The following PPP1R1C variants were observed in gnomAD, a reference collection of about 807,000 sequenced individuals.
PPP1R1C encodes protein phosphatase 1 regulatory inhibitor subunit 1C, also known as protein phosphatase 1 regulatory subunit 1C.
PPP1R1C carries 15 observed loss-of-function variants against 17.4 expected under a neutral mutation model. The observed-to-expected ratio is 0.86, with a 90% CI of 0.58 to 1.33. The LOEUF (loss-of-function observed/expected upper bound fraction) is 1.33. Among genes scored for constraint, PPP1R1C ranks in the 40% most tolerant of loss-of-function variants. The probability of loss-of-function intolerance (pLI) is 0.00; values close to 1 mark genes in which losing one functional copy is unlikely to be tolerated. For missense variants in PPP1R1C, 143 were observed against 130.0 expected (o/e 1.10, Z -0.48); for synonymous variants, 35 against 43.1 (o/e 0.81, Z 0.73).
At position 182,117,228 on chromosome 2, in the gene PPP1R1C, AGAAT is replaced by A. The variant is rs1689611818; in HGVS notation, c.268_271del (p.Glu90GlnfsTer33). 5 of 1,558,900 alleles carry A rather than the reference AGAAT, an allele frequency of 3.2e-6. No individual in the cohort carries two copies. The East Asian group carries it at 1.2e-4, about 37-fold the overall frequency. On this transcript the variant is annotated frameshift_variant, in exon 5 of 5. Coordinates refer to ENST00000682840, the MANE Select transcript of PPP1R1C (RefSeq NM_001080545.3). LOFTEE classifies it high-confidence loss of function. ...TCAGGGGTTAAGCATCTGAAAGGCCAGAATGAATCAGCATTCCCTGAAGAAGAAG... is the reference window on the plus strand; with the variant it reads ...TCAGGGGTTAAGCATCTGAAAGGCCAGAATCAGCATTCCCTGAAGAAGAAG...
chr2:182,029,225 A>G (rs2125169427), intron 2 of PPP1R1C, among the ~76,000 whole-genome samples: 1 of 149,334 alleles, frequency 6.7e-6, no homozygotes, highest in East Asian at 2.0e-4. Flanking sequence ...TAAAGTTAAT[A>G]TTGTCATGTG....
chr2:182,123,133 T>A (rs6707201), intron 5 of PPP1R1C, among the ~76,000 whole-genome samples: 2 of 151,994 alleles, frequency 1.3e-5, no homozygotes, highest in Non-Finnish European at 2.9e-5. Flanking sequence ...GTTAGTTTGC[T>A]CAGAATGATG....
At chr2:182,115,553 GAC>G (rs2125236929) in intron 4 of PPP1R1C, among the ~76,000 whole-genome samples, 1 of 152,164 alleles carries the variant, frequency 6.6e-6, no homozygotes, top group South Asian at 2.1e-4. Flanking sequence ...TGACTGGTTG[GAC>G]ACTTAATAAA....
Position 181,987,837 on chromosome 2 carries a change from A to G in PPP1R1C, c.82-2A>G, listed in dbSNP as rs1450871415. The stretch of plus-strand genomic sequence containing the variant: ...TATTAGCTGGGCTTTTGTCGTTCAC[A>G]GATCAGGAAAAGAAGACCTACACCA... On this transcript the variant is annotated splice_acceptor_variant, in intron 1 of 4. Coordinates refer to ENST00000682840, the MANE Select transcript of PPP1R1C (RefSeq NM_001080545.3). LOFTEE classifies it high-confidence loss of function. The G allele has an allele frequency of 6.2e-7, 1 of 1,613,010 alleles. No homozygotes were observed. The highest frequency in any genetic ancestry group is 8.5e-7 in the Non-Finnish European group (1 of 1,179,424).
chr2:182,039,717 T>A (rs544219298), intron 2 of PPP1R1C, among the ~76,000 whole-genome samples: 1 of 152,210 alleles, frequency 6.6e-6, no homozygotes, highest in East Asian at 1.9e-4. Context: ...ACGAATTGTA[T>A]AGTGGTGAAA....
chr2:182,027,837 G>A (rs937571162), intron 2 of PPP1R1C, among the ~76,000 whole-genome samples: 2 of 142,136 alleles, frequency 1.4e-5, no homozygotes, highest in East Asian at 4.2e-4. Flanking sequence ...AATCCATCTG[G>A]TCCTGGACTC....
At chr2:181,956,212 T>C (rs1389587461) in intron 1 of PPP1R1C, among the ~76,000 whole-genome samples, 1 of 152,220 alleles carries the variant, frequency 6.6e-6, no homozygotes, top group Non-Finnish European at 1.5e-5. Flanking sequence ...TCCATGTCCT[T>C]GCAAAGGACA....
chr2:181,959,654 A>T (rs1684731078), intron 1 of PPP1R1C, among the ~76,000 whole-genome samples: 1 of 152,210 alleles, frequency 6.6e-6, no homozygotes, highest in Non-Finnish European at 1.5e-5. Flanking sequence ...TCAGCTGAAA[A>T]AAAAGCCACA....
downstream of PPP1R1C, among the ~76,000 whole-genome samples, chr2:182,118,904 C>CT (rs1009238285): frequency 1.4e-3 from 208 of 147,518 alleles, no homozygotes; most frequent in African/African-American, 4.9e-3. Flanking sequence ...ATGACTTTTT[C>CT]TTTTTTTTTT....
At chr2:182,019,463 C>A (rs956032516) in intron 2 of PPP1R1C, among the ~76,000 whole-genome samples, 2 of 152,120 alleles carry the variant, frequency 1.3e-5, no homozygotes, top group African/African-American at 4.8e-5. Context: ...TGGTGGCCAC[C>A]CTCAGCTCTG....
chr2:182,033,294 T>C (rs1686900975), intron 2 of PPP1R1C, among the ~76,000 whole-genome samples: 1 of 152,200 alleles, frequency 6.6e-6, no homozygotes, highest in Non-Finnish European at 1.5e-5. Context: ...ACTCTCTTAA[T>C]TTTATTTACT....
At chr2:181,975,956 G>A (rs1685085628) in intron 2 of PPP1R1C, among the ~76,000 whole-genome samples, 1 of 151,978 alleles carries the variant, frequency 6.6e-6, no homozygotes, top group Admixed American at 6.6e-5. Context: ...TCTGATTTAA[G>A]AGAGGGTGTG....
At chr2:182,075,411 A>G (rs1688269032) in intron 4 of PPP1R1C, among the ~76,000 whole-genome samples, 1 of 152,228 alleles carries the variant, frequency 6.6e-6, no homozygotes. Context: ...ATCTGAGGCC[A>G]TCAGCAGCCT....
intron 2 of PPP1R1C, among the ~76,000 whole-genome samples, chr2:181,996,956 G>A (rs898998441): frequency 6.6e-6 from 1 of 152,166 alleles, no homozygotes; most frequent in African/African-American, 2.4e-5. Flanking sequence ...ACAGCCGGGC[G>A]CGGTGGCTCA....
At chr2:182,090,438 C>T (rs1042146309) in intron 4 of PPP1R1C, among the ~76,000 whole-genome samples, 2 of 151,840 alleles carry the variant, frequency 1.3e-5, no homozygotes, top group African/African-American at 4.8e-5. Flanking sequence ...AGAATGTTTT[C>T]CCAATCTTAA....
chr2:181,988,888 T>G (rs1685378377), intron 2 of PPP1R1C, among the ~76,000 whole-genome samples: 2 of 152,194 alleles, frequency 1.3e-5, no homozygotes, highest in Non-Finnish European at 2.9e-5. Flanking sequence ...TAAGCTAATT[T>G]ATTTCTGTTG....
At chr2:182,122,547 G>GT (rs1023944149), downstream of PPP1R1C, among the ~76,000 whole-genome samples, 125 of 152,202 alleles carry the variant, frequency 8.2e-4, no homozygotes, top group African/African-American at 2.8e-3. Context: ...GGAAGCACTA[G>GT]TTTTTTGTTT....
At chr2:182,090,245 A>T (rs1165195540) in intron 4 of PPP1R1C, among the ~76,000 whole-genome samples, 1 of 144,406 alleles carries the variant, frequency 6.9e-6, no homozygotes, top group Admixed American at 6.7e-5. Context: ...ATTACCTGAT[A>T]TTATGTCAAA....
chr2:182,020,469 C>T (rs1196184), intron 2 of PPP1R1C, among the ~76,000 whole-genome samples: 141,214 of 152,242 alleles, frequency 0.93, 65,680 homozygotes, highest in Non-Finnish European at 0.97. Flanking sequence ...TAAAGGTAAA[C>T]GTTTGCAGAA....
Sources: gnomAD v4.1 joint callset for allele counts (sites outside exome capture counted in the v4.1 genomes callset) on GRCh38, gnomAD v4.1.1 for gene constraint, MANE v1.5 for transcripts, NCBI Gene and HGNC (gene_info 2026-07-23, HGNC 2026-07-21) for gene names.